The following NALCN variants were observed in gnomAD, a reference collection of about 807,000 sequenced individuals.
NALCN encodes the protein sodium leak channel, non-selective, also known as sodium leak channel NALCN.
A neutral mutation model predicts 225.3 loss-of-function variants in NALCN; 111 were observed. The ratio of observed to expected loss-of-function variants is 0.49; its 90% CI spans 0.42 to 0.58. The LOEUF is 0.58. Among genes scored for constraint, NALCN ranks in the 20% least tolerant of loss-of-function variants. The probability of loss-of-function intolerance (pLI) is 0.00; values close to 1 mark genes in which losing one functional copy is unlikely to be tolerated. For missense variants in NALCN, 1,378 were observed against 2,202.4 expected (o/e 0.63, Z 7.49); for synonymous variants, 764 against 769.0 (o/e 0.99, Z 0.11).
Position 101,233,364 on chromosome 13 carries a change from G to A in NALCN, c.1435-3780C>T, listed in dbSNP as rs12866754. Among the ~76,000 whole-genome samples, 560 of 143,468 alleles carry A rather than the reference G, an allele frequency of 3.9e-3. 2 individuals are homozygous for A. Among genetic ancestry groups the A allele is most frequent in the Non-Finnish European group, 6.9e-3 (461 of 66,646 alleles). The allele number at this position is 143,468 out of a possible 152,430, so 94.1% of individuals were successfully genotyped here. On this transcript the variant is annotated intron_variant, in intron 12 of 43. Coordinates refer to ENST00000251127, the MANE Select transcript of NALCN (RefSeq NM_052867.4). ...ATTTTTTTTTTTTTTTTTGTGAGAC[G>A]GAGTCTCCCTCTGTGGCCCAGGCTG...
intron 3 of NALCN, among the ~76,000 whole-genome samples, chr13:101,388,591 C>G (rs933752557): frequency 1.3e-5 from 2 of 152,156 alleles, no homozygotes; most frequent in South Asian, 4.1e-4. Context: ...ATTATTAAAA[C>G]TTGTGTTCTC....
At chr13:101,331,337 A>G (rs1192816635) in intron 7 of NALCN, among the ~76,000 whole-genome samples, 1 of 152,250 alleles carries the variant, frequency 6.6e-6, no homozygotes, top group Non-Finnish European at 1.5e-5. Flanking sequence ...CTAAGATAAA[A>G]GAACAGGCAG....
At chr13:101,140,103 G>A (rs117458850) in intron 17 of NALCN, among the ~76,000 whole-genome samples, 1,934 of 152,280 alleles carry the variant, frequency 0.013, 38 homozygotes, top group East Asian at 0.07. Context: ...GATAGTAACA[G>A]GAGCAGTTGT....
intron 13 of NALCN, among the ~76,000 whole-genome samples, chr13:101,193,660 C>A (rs892410650): frequency 2.6e-5 from 4 of 152,040 alleles, no homozygotes; most frequent in African/African-American, 9.7e-5. Flanking sequence ...TTATGGTGCC[C>A]AAGAGACAGC....
In NALCN at chr13:101,377,049, T is replaced by C; in HGVS notation, c.383A>G (p.Glu128Gly). ...CATCTGATCAACTATATCAGCAATTTCAAACACCTACAAATTAAAAGATGG... is the reference window on the plus strand; with the variant it reads ...CATCTGATCAACTATATCAGCAATTCCAAACACCTACAAATTAAAAGATGG... Reference protein sequence around the residue: ...LWVSLVLQVFEIADIVDQMSP... With the variant: ...LWVSLVLQVFGIADIVDQMSP... The change falls in exon 5 of 44, where the codon GAA becomes GGA. Residue 128 changes from glutamate (E) to glycine (G), a missense_variant. By Grantham distance (98) the Glu-to-Gly change is moderately conservative (BLOSUM62 -2). Around this residue, in one of 19 missense-constraint regions of NALCN, gnomAD observed 146 missense variants for 205.9 expected, o/e 0.71. Coordinates refer to ENST00000251127, the MANE Select transcript of NALCN (RefSeq NM_052867.4). 6.2e-7 allele frequency: 1 copy of C among 1,614,138 alleles called. No homozygotes were observed. The highest frequency in any genetic ancestry group is 8.5e-7 in the Non-Finnish European group (1 of 1,180,008).
At position 101,074,678 on chromosome 13, in the gene NALCN, G is replaced by T. The variant is rs2033131450; in HGVS notation, c.3955-16C>A. ...TTAGCGTTACCTGGGGACCAGGGGT[G>T]GGAAGCGGGGAGACAGAGAGAGAGA... is the stretch of plus-strand genomic sequence containing the variant. On this transcript the variant is annotated splice_polypyrimidine_tract_variant and intron_variant, in intron 35 of 43. Transcript: ENST00000251127. 6.3e-7 allele frequency: 1 copy of T among 1,594,714 alleles called. No homozygotes were observed. Among genetic ancestry groups the T allele is most frequent in the South Asian group, 1.1e-5 (1 of 87,368 alleles).
intron 7 of NALCN, among the ~76,000 whole-genome samples, chr13:101,315,627 A>G (rs1196052698): frequency 1.3e-5 from 2 of 152,202 alleles, no homozygotes; most frequent in Admixed American, 6.5e-5. Context: ...CCCATTTAAT[A>G]TATAATCTCT....
At position 101,401,150 on chromosome 13, in the gene NALCN, G is replaced by T. The variant is rs73566006; in HGVS notation, c.-39-1985C>A. 4.8e-3 allele frequency among the ~76,000 whole-genome samples: 727 copies of T among 152,250 alleles called. 5 individuals carry two copies. Among genetic ancestry groups the T allele is most frequent in the African/African-American group, 0.016 (678 of 41,546 alleles). On this transcript the variant is annotated intron_variant, in intron 1 of 43. Coordinates refer to ENST00000251127, the MANE Select transcript of NALCN (RefSeq NM_052867.4). ...GCTAACTGGCTTGAAGACATGCTGGGTATTTCCAGGCTGTTATTGCTCTGA... is the reference window on the plus strand; with the variant it reads ...GCTAACTGGCTTGAAGACATGCTGGTTATTTCCAGGCTGTTATTGCTCTGA...
At chr13:101,337,216 C>T (rs1338194787) in intron 7 of NALCN, among the ~76,000 whole-genome samples, 1 of 152,142 alleles carries the variant, frequency 6.6e-6, no homozygotes, top group Non-Finnish European at 1.5e-5. Context: ...AAGCCAGAGA[C>T]CAACCCCTTA....
chr13:101,211,220 T>C (rs1215778056), intron 13 of NALCN, among the ~76,000 whole-genome samples: 1 of 152,164 alleles, frequency 6.6e-6, no homozygotes, highest in Non-Finnish European at 1.5e-5. Flanking sequence ...GTCTGATTAT[T>C]AAAATAATAT....
intron 9 of NALCN, among the ~76,000 whole-genome samples, chr13:101,287,552 T>C (rs890739807): frequency 2.6e-5 from 4 of 152,318 alleles, no homozygotes; most frequent in African/African-American, 7.2e-5. Flanking sequence ...AGTATTATTA[T>C]GAAAATTAAA....
chr13:101,181,856 G>A (rs1280262756), intron 14 of NALCN, among the ~76,000 whole-genome samples: 4 of 152,102 alleles, frequency 2.6e-5, no homozygotes, highest in African/African-American at 7.2e-5. Context: ...TTTTCTAGCC[G>A]GGTGCAGTGG....
intron 13 of NALCN, among the ~76,000 whole-genome samples, chr13:101,200,388 G>A (rs942397574): frequency 4.6e-5 from 7 of 152,074 alleles, no homozygotes; most frequent in African/African-American, 1.7e-4. Flanking sequence ...TTCCAGTTCT[G>A]CATTTGTCCC....
chr13:101,089,574 T>G lies in NALCN; in HGVS notation c.3489+89A>C. On this transcript the variant is annotated intron_variant, in intron 30 of 43. Transcript: ENST00000251127. This position sits in a 1 kb window ranked among gnomAD's most constrained non-coding sequence, Gnocchi z 4.7. The stretch of plus-strand genomic sequence containing the variant: ...CAGTCACATTACAGTTTAAAGCGGC[T>G]TCACGCCGCGTGTGAAAAGAAACAA... The G allele has an allele frequency of 8.6e-7, 1 of 1,168,582 alleles. No individual in the cohort carries two copies. The highest frequency in any genetic ancestry group is 1.2e-6 in the Non-Finnish European group (1 of 802,438). 72.4% of individuals were successfully genotyped at this position (1,168,582 alleles called of 1,614,324 possible). A position where few individuals can be genotyped will look rare whatever the true frequency, so the allele number is the denominator to read the frequency against.
chr13:101,215,267 A>G (rs2040683998), intron 13 of NALCN, among the ~76,000 whole-genome samples: 1 of 152,142 alleles, frequency 6.6e-6, no homozygotes, highest in South Asian at 2.1e-4. Context: ...ACATACCCTA[A>G]AAAGAATTAT....
Position 101,283,283 on chromosome 13 carries a change from G to A in NALCN, c.1134+650C>T, listed in dbSNP as rs187404983. Among the ~76,000 whole-genome samples, 361 of 152,202 alleles carry A rather than the reference G, an allele frequency of 2.4e-3. 1 individual carries two copies. Among genetic ancestry groups the A allele is most frequent in the African/African-American group, 8.0e-3 (334 of 41,524 alleles). On this transcript the variant is annotated intron_variant, in intron 10 of 43. Transcript: ENST00000251127. ...CCAAGGAAGAGAAGATGTCAGTATG[G>A]CCCCCTGAAGAAGAGATAAAGGAGT...
intron 3 of NALCN, among the ~76,000 whole-genome samples, chr13:101,389,480 G>A (rs1450089001): frequency 2.6e-5 from 4 of 152,170 alleles, no homozygotes; most frequent in African/African-American, 9.7e-5. Context: ...CCAGACCACA[G>A]CCCCATGTTT....
intron 3 of NALCN, among the ~76,000 whole-genome samples, chr13:101,380,742 C>T (rs1452618619): frequency 6.6e-6 from 1 of 152,038 alleles, no homozygotes; most frequent in Non-Finnish European, 1.5e-5. Flanking sequence ...GCAAAACTAA[C>T]ACTATGATAA....
At position 101,373,224 on chromosome 13, in the gene NALCN, TA is replaced by T. The variant is rs577878286; in HGVS notation, c.644+3475del. On this transcript the variant is annotated intron_variant, in intron 6 of 43. Coordinates refer to ENST00000251127, the MANE Select transcript of NALCN (RefSeq NM_052867.4). ...AAAGAAAATTTCAGGCCCTGAGTTTTACTCATGAATTCTATCAAACATTTAA... is the reference window on the plus strand; with the variant it reads ...AAAGAAAATTTCAGGCCCTGAGTTTTCTCATGAATTCTATCAAACATTTAA... 3.6e-4 allele frequency: 70 copies of T among 194,894 alleles called. No individual in the cohort carries two copies. In the East Asian group the frequency reaches 0.011, roughly 30 times the overall value. The allele number at this position is 194,894 out of a possible 1,614,324, so 12.1% of individuals were successfully genotyped here.
Sources: allele counts gnomAD v4.1 joint callset (sites outside exome capture counted in the v4.1 genomes callset), GRCh38; gene constraint gnomAD v4.1.1; regional missense constraint gnomAD v4.1.1; non-coding constraint Gnocchi (gnomAD v3.1); transcripts MANE v1.5; gene names NCBI Gene and HGNC (gene_info 2026-07-23, HGNC 2026-07-21).